SUPT20HL2: variants seen among roughly 807,000 people sequenced by gnomAD.
SUPT20HL2 encodes the protein SUPT20H like 2, also known as transcription factor SPT20 homolog-like 2.
For missense variants in SUPT20HL2, 288 were observed against 127.4 expected (o/e 2.26, Z -6.07); for synonymous variants, 125 against 51.6 (o/e 2.42, Z -6.10).
In SUPT20HL2 at chrX:24,310,920, G is replaced by A. The variant is rs1259134473; in HGVS notation, c.2396C>T (p.Ala799Val). 1 of 385,686 alleles carries A rather than the reference G, an allele frequency of 2.6e-6. No homozygotes were observed. Among genetic ancestry groups the A allele is most frequent in the African/African-American group, 2.5e-5 (1 of 39,350 alleles). The allele number at this position is 385,686 out of a possible 1,213,427, so 31.8% of individuals were successfully genotyped here. A position where few individuals can be genotyped will look rare whatever the true frequency, so the allele number is the denominator to read the frequency against. Residue 799 changes from alanine to valine, a missense_variant, in exon 1 of 1, where the codon GCA becomes GTA. Transcript: ENST00000486479. Reference protein sequence around the residue: ...QIVQPHPGVQAGSQLVGQRKG... With the variant: ...QIVQPHPGVQVGSQLVGQRKG... ...CCTCTGACCTACCAACTGGCTCCCT[G>A]CTTGCACACCTGGATGTGGCTGCAC...
Position 24,311,267 on chromosome X carries a change from G to A in SUPT20HL2, c.2049C>T (p.His683=), listed in dbSNP as rs185361509. Residue 683 remains histidine (H), a synonymous_variant, in exon 1 of 1, where the codon CAC becomes CAT. Coordinates refer to ENST00000486479, the MANE Select transcript of SUPT20HL2 (RefSeq NM_001136233.3). ...LQQLQQPTAA[H]PPQPGPQGST... ...AACCCTGTGGCCCTGGCTGAGGAGG[G>A]TGAGCAGCTGTGGGCTGCTGGAGCT... 22 of 386,132 alleles carry A rather than the reference G, an allele frequency of 5.7e-5. No homozygotes were observed. The East Asian group carries it at 6.7e-4, about 12-fold the overall frequency. 31.8% of individuals were successfully genotyped at this position (386,132 alleles called of 1,213,427 possible). A position where few individuals can be genotyped will look rare whatever the true frequency, so the allele number is the denominator to read the frequency against.
In SUPT20HL2 at chrX:24,310,085, T is replaced by C. The variant is rs1157947938; in HGVS notation, c.*777A>G. On this transcript the variant is annotated 3_prime_UTR_variant, in exon 1 of 1. Transcript: ENST00000486479. ...TCAGAGTTTATAGGTCACTTTCATA[T>C]ATATTATGTACAGTGAGACCATTTT... 8.9e-6 allele frequency among the ~76,000 whole-genome samples: 1 copy of C among 112,011 alleles called. No homozygotes were observed. Among genetic ancestry groups the C allele is most frequent in the Non-Finnish European group, 1.9e-5 (1 of 53,254 alleles).
chrX:24,309,313 C>G lies in SUPT20HL2; in HGVS notation c.*1549G>C, dbSNP rs183274135. 9.0e-6 allele frequency among the ~76,000 whole-genome samples: 1 copy of G among 111,660 alleles called. No individual in the cohort carries two copies. Among genetic ancestry groups the G allele is most frequent in the Non-Finnish European group, 1.9e-5 (1 of 52,742 alleles). On this transcript the variant is annotated 3_prime_UTR_variant, in exon 1 of 1. Coordinates refer to ENST00000486479, the MANE Select transcript of SUPT20HL2 (RefSeq NM_001136233.3). ...AAGGGAAAAAATGAGGGAGCAGAAACAGCTGAACAACTGATGATGATGCAT... is the reference window on the plus strand; with the variant it reads ...AAGGGAAAAAATGAGGGAGCAGAAAGAGCTGAACAACTGATGATGATGCAT...
rs1939093737 is a variant in SUPT20HL2 at position 24,309,618 on chromosome X, G to A, written c.*1244C>T. Among the ~76,000 whole-genome samples, 2 of 91,044 alleles carry A rather than the reference G, an allele frequency of 2.2e-5. No individual in the cohort carries two copies. The highest frequency in any genetic ancestry group is 4.1e-5 in the African/African-American group (1 of 24,529). The allele number at this position is 91,044 out of a possible 115,157, so 79.1% of individuals were successfully genotyped here. ...GGTGCAGCGCACCAGCATGGCACAT[G>A]TATACATATGTAACTAACCTGCACA... On this transcript the variant is annotated 3_prime_UTR_variant, in exon 1 of 1. Coordinates refer to ENST00000486479, the MANE Select transcript of SUPT20HL2 (RefSeq NM_001136233.3).
In SUPT20HL2 at chrX:24,311,738, GGCC is replaced by G. The variant is rs761763266; in HGVS notation, c.1575_1577del (p.Ala526del). 8.4e-6 allele frequency: 3 copies of G among 355,407 alleles called. No individual in the cohort carries two copies. Among genetic ancestry groups the G allele is most frequent in the Non-Finnish European group, 1.1e-5 (2 of 177,171 alleles). The allele number at this position is 355,407 out of a possible 1,213,427, so 29.3% of individuals were successfully genotyped here. A position where few individuals can be genotyped will look rare whatever the true frequency, so the allele number is the denominator to read the frequency against. ...GAGAATGGCTTGGTGCCGCCCCACC[GGCC>G]GCCGCCGCCACAGCAGCAGCAGCTA... On this transcript the variant is annotated inframe_deletion, in exon 1 of 1. Coordinates refer to ENST00000486479, the MANE Select transcript of SUPT20HL2 (RefSeq NM_001136233.3).
In SUPT20HL2 at chrX:24,312,314, T is replaced by C. The variant is rs754137249; in HGVS notation, c.1002A>G (p.Glu334=). Residue 334 remains glutamate, a synonymous_variant, in exon 1 of 1, where the codon GAA becomes GAG. Transcript: ENST00000486479. The part of the protein sequence containing the change: ...QLPVWPAQEV[E]DPFRHAWEAG... ...CTTCCCATGCATGTCTGAAAGGGTC[T>C]TCTACCTCCTGGGCTGGCCAGACTG... The C allele has an allele frequency of 1.6e-5, 6 of 385,509 alleles. No homozygotes were observed. Among genetic ancestry groups the C allele is most frequent in the Non-Finnish European group, 3.1e-5 (6 of 192,332 alleles). 31.8% of individuals were successfully genotyped at this position (385,509 alleles called of 1,213,427 possible). A position where few individuals can be genotyped will look rare whatever the true frequency, so the allele number is the denominator to read the frequency against.
At position 24,311,662 on chromosome X, in the gene SUPT20HL2, C is replaced by A; in HGVS notation, c.1654G>T (p.Gly552Trp). 1 of 384,112 alleles carries A rather than the reference C, an allele frequency of 2.6e-6. No individual in the cohort carries two copies. The highest frequency in any genetic ancestry group is 5.2e-6 in the Non-Finnish European group (1 of 191,055). The allele number at this position is 384,112 out of a possible 1,213,427, so 31.7% of individuals were successfully genotyped here. A position where few individuals can be genotyped will look rare whatever the true frequency, so the allele number is the denominator to read the frequency against. Residue 552 changes from glycine to tryptophan, a missense_variant, in exon 1 of 1, where the codon GGG (glycine) becomes TGG (tryptophan). By Grantham distance (184) the Gly-to-Trp change is radical. Transcript: ENST00000486479. ...ATTTTTACGAATCTGGTGGGGCGCC[C>A]GGCAGCTGGACGGCGCCTGCTAGCT... ...IKASRRRPAA[G>W]RPTRFVKIAP...
At position 24,309,746 on chromosome X, in the gene SUPT20HL2, G is replaced by GAAAAAAAAAAAAA; in HGVS notation, c.*1103_*1115dup. Reference sequence around the variant, plus strand: ...AAAATAATAAAAATAAAAAAAAAAAGAAAAAAAAAAAAAAAAAAAAAAACA... The same window carrying GAAAAAAAAAAAAA: ...AAAATAATAAAAATAAAAAAAAAAAGAAAAAAAAAAAAAAAAAAAAAAAAAAAAAAAAAAAACA... On this transcript the variant is annotated 3_prime_UTR_variant, in exon 1 of 1. Transcript: ENST00000486479. Among the ~76,000 whole-genome samples, 35 of 21,793 alleles carry GAAAAAAAAAAAAA rather than the reference G, an allele frequency of 1.6e-3. 2 individuals carry two copies. The highest frequency in any genetic ancestry group is 2.6e-3 in the Admixed American group (3 of 1,140). The allele number at this position is 21,793 out of a possible 115,157, so 18.9% of individuals were successfully genotyped here.
In SUPT20HL2 at chrX:24,309,492, A is replaced by G. The variant is rs1468191931; in HGVS notation, c.*1370T>C. Among the ~76,000 whole-genome samples, 1 of 84,540 alleles carries G rather than the reference A, an allele frequency of 1.2e-5. No individual in the cohort carries two copies. Among genetic ancestry groups the G allele is most frequent in the African/African-American group, 4.4e-5 (1 of 22,936 alleles). The allele number at this position is 84,540 out of a possible 115,157, so 73.4% of individuals were successfully genotyped here. On this transcript the variant is annotated 3_prime_UTR_variant, in exon 1 of 1. Coordinates refer to ENST00000486479, the MANE Select transcript of SUPT20HL2 (RefSeq NM_001136233.3). ...ACAAAAAATGTAAATGATTTTATAAAGAGAGCACACAAAACATCCAAAAAG... is the reference window on the plus strand; with the variant it reads ...ACAAAAAATGTAAATGATTTTATAAGGAGAGCACACAAAACATCCAAAAAG...
rs946798880 is a variant in SUPT20HL2 at position 24,310,612 on chromosome X, T to C, written c.*250A>G. ...TGGTTAGGATTTGGACACTTTAAAATACTATATTAAAAACAATTATATCAA... is the reference window on the plus strand; with the variant it reads ...TGGTTAGGATTTGGACACTTTAAAACACTATATTAAAAACAATTATATCAA... On this transcript the variant is annotated 3_prime_UTR_variant, in exon 1 of 1. Coordinates refer to ENST00000486479, the MANE Select transcript of SUPT20HL2 (RefSeq NM_001136233.3). 8.9e-6 allele frequency among the ~76,000 whole-genome samples: 1 copy of C among 112,241 alleles called. No individual in the cohort carries two copies. The highest frequency in any genetic ancestry group is 3.2e-5 in the African/African-American group (1 of 30,869).
At position 24,309,746 on chromosome X, in the gene SUPT20HL2, G is replaced by GAAAAAAAAAAAAAAAAAAAAAA; in HGVS notation, c.*1094_*1115dup. Among the ~76,000 whole-genome samples the GAAAAAAAAAAAAAAAAAAAAAA allele has an allele frequency of 4.1e-4, 9 of 21,792 alleles. No homozygotes were observed. Among genetic ancestry groups the GAAAAAAAAAAAAAAAAAAAAAA allele is most frequent in the East Asian group, 2.1e-3 (1 of 486 alleles). 18.9% of individuals were successfully genotyped at this position (21,792 alleles called of 115,157 possible). On this transcript the variant is annotated 3_prime_UTR_variant, in exon 1 of 1. Coordinates refer to ENST00000486479, the MANE Select transcript of SUPT20HL2 (RefSeq NM_001136233.3). ...AAAATAATAAAAATAAAAAAAAAAA[G>GAAAAAAAAAAAAAAAAAAAAAA]AAAAAAAAAAAAAAAAAAAAAAACA...
rs1939098610 is a variant in SUPT20HL2, at chrX:24,309,728, T to TAAAAAAAAAAAAAAAAA, written c.*1133_*1134insTTTTTTTTTTTTTTTTT. On this transcript the variant is annotated 3_prime_UTR_variant, in exon 1 of 1. Coordinates refer to ENST00000486479, the MANE Select transcript of SUPT20HL2 (RefSeq NM_001136233.3). ...ATTAAAAAAAAAAAGAAAAAAATAA[T>TAAAAAAAAAAAAAAAAA]AAAAATAAAAAAAAAAAGAAAAAAA... Among the ~76,000 whole-genome samples the TAAAAAAAAAAAAAAAAA allele has an allele frequency of 3.9e-4, 5 of 12,771 alleles. No individual in the cohort carries two copies. The highest frequency in any genetic ancestry group is 1.5e-3 in the Admixed American group (1 of 689). 11.1% of individuals were successfully genotyped at this position (12,771 alleles called of 115,157 possible).
chrX:24,312,253 T>C lies in SUPT20HL2; in HGVS notation c.1063A>G (p.Met355Val), dbSNP rs769345108. The C allele has an allele frequency of 7.8e-6, 3 of 384,613 alleles. No homozygotes were observed. The highest frequency in any genetic ancestry group is 1.6e-5 in the Non-Finnish European group (3 of 192,143). 31.7% of individuals were successfully genotyped at this position (384,613 alleles called of 1,213,427 possible). ...AGAAGCGGATCATTAAACGACTGCATGATGTTTGGCTTGGTGTCCCAGGCC... is the reference window on the plus strand; with the variant it reads ...AGAAGCGGATCATTAAACGACTGCACGATGTTTGGCTTGGTGTCCCAGGCC... ...CQAWDTKPNI[M>V]QSFNDPLLCG... The change falls in exon 1 of 1, where the codon ATG (methionine) becomes GTG (valine). Residue 355 changes from methionine to valine, a missense_variant. Transcript: ENST00000486479.
chrX:24,313,007 A>G lies in SUPT20HL2; in HGVS notation c.309T>C (p.Ile103=), dbSNP rs781234080. The G allele has an allele frequency of 8.4e-6, 3 of 358,711 alleles. No homozygotes were observed. The highest frequency in any genetic ancestry group is 1.7e-5 in the Non-Finnish European group (3 of 179,561). 29.6% of individuals were successfully genotyped at this position (358,711 alleles called of 1,213,427 possible). The change falls in exon 1 of 1, where the codon ATT becomes ATC. Residue 103 remains isoleucine (I), a synonymous_variant. Transcript: ENST00000486479. ...ATGCCCTTTCTTCATAAGGCAGCCG[A>G]ATGGTCTCTGCAAAGGACCCATCTT... ...QREDGSFAET[I]RLPYEERALL...
chrX:24,309,725 T>TAAAAAAAAAAAAAAAAAAAAAAAA lies in SUPT20HL2; in HGVS notation c.*1136_*1137insTTTTTTTTTTTTTTTTTTTTTTTT, dbSNP rs1569195686. ...AAAATTAAAAAAAAAAAGAAAAAAATAATAAAAATAAAAAAAAAAAGAAAA... is the reference window on the plus strand; with the variant it reads ...AAAATTAAAAAAAAAAAGAAAAAAATAAAAAAAAAAAAAAAAAAAAAAAAAATAAAAATAAAAAAAAAAAGAAAA... On this transcript the variant is annotated 3_prime_UTR_variant, in exon 1 of 1. Transcript: ENST00000486479. 1.2e-4 allele frequency among the ~76,000 whole-genome samples: 2 copies of TAAAAAAAAAAAAAAAAAAAAAAAA among 16,884 alleles called. No homozygotes were observed. The highest frequency in any genetic ancestry group is 6.1e-4 in the African/African-American group (2 of 3,278). 14.7% of individuals were successfully genotyped at this position (16,884 alleles called of 115,157 possible).
chrX:24,309,728 T>TAAAAAAAAAAAAAAAAAAAAAAAAAAAA lies in SUPT20HL2; in HGVS notation c.*1133_*1134insTTTTTTTTTTTTTTTTTTTTTTTTTTTT, dbSNP rs1939098610. 4.7e-4 allele frequency among the ~76,000 whole-genome samples: 6 copies of TAAAAAAAAAAAAAAAAAAAAAAAAAAAA among 12,756 alleles called. No homozygotes were observed. Among genetic ancestry groups the TAAAAAAAAAAAAAAAAAAAAAAAAAAAA allele is most frequent in the African/African-American group, 1.1e-3 (2 of 1,793 alleles). 11.1% of individuals were successfully genotyped at this position (12,756 alleles called of 115,157 possible). On this transcript the variant is annotated 3_prime_UTR_variant, in exon 1 of 1. Transcript: ENST00000486479. Reference sequence around the variant, plus strand: ...ATTAAAAAAAAAAAGAAAAAAATAATAAAAATAAAAAAAAAAAGAAAAAAA... The same window carrying TAAAAAAAAAAAAAAAAAAAAAAAAAAAA: ...ATTAAAAAAAAAAAGAAAAAAATAATAAAAAAAAAAAAAAAAAAAAAAAAAAAAAAAAATAAAAAAAAAAAGAAAAAAA...
In SUPT20HL2 at chrX:24,308,790, C is replaced by T. The variant is rs183551487; in HGVS notation, c.*2072G>A. On this transcript the variant is annotated 3_prime_UTR_variant, in exon 1 of 1. Transcript: ENST00000486479. ...AAGTTGACAGCAGCTCTATGCACAG[C>T]GCCCAAAAGGTAGAAACAACCCAAG... Among the ~76,000 whole-genome samples the T allele has an allele frequency of 3.6e-3, 401 of 111,133 alleles. No individual in the cohort carries two copies. Among genetic ancestry groups the T allele is most frequent in the East Asian group, 0.012 (42 of 3,581 alleles).
Position 24,309,746 on chromosome X carries a change from G to GAAAAA in SUPT20HL2, c.*1111_*1115dup. ...AAAATAATAAAAATAAAAAAAAAAA[G>GAAAAA]AAAAAAAAAAAAAAAAAAAAAAACA... is the stretch of plus-strand genomic sequence containing the variant. On this transcript the variant is annotated 3_prime_UTR_variant, in exon 1 of 1. Coordinates refer to ENST00000486479, the MANE Select transcript of SUPT20HL2 (RefSeq NM_001136233.3). 4.1e-4 allele frequency among the ~76,000 whole-genome samples: 9 copies of GAAAAA among 21,791 alleles called. No homozygotes were observed. Among genetic ancestry groups the GAAAAA allele is most frequent in the African/African-American group, 9.6e-4 (4 of 4,160 alleles). 18.9% of individuals were successfully genotyped at this position (21,791 alleles called of 115,157 possible). A position where few individuals can be genotyped will look rare whatever the true frequency, so the allele number is the denominator to read the frequency against.
Position 24,313,406 on chromosome X carries a change from G to C in SUPT20HL2, c.-91C>G. ...TCACGGCTGTCATATTAATCTACAG[G>C]CCCGCAAGACGCCGCAAGTCCACAC... On this transcript the variant is annotated 5_prime_UTR_variant, in exon 1 of 1. Transcript: ENST00000486479. 3.0e-6 allele frequency: 1 copy of C among 336,904 alleles called. No individual in the cohort carries two copies. Among genetic ancestry groups the C allele is most frequent in the Non-Finnish European group, 5.9e-6 (1 of 170,570 alleles). The allele number at this position is 336,904 out of a possible 1,213,427, so 27.8% of individuals were successfully genotyped here.
Sources: gnomAD v4.1 joint callset for allele counts (sites outside exome capture counted in the v4.1 genomes callset) on GRCh38, gnomAD v4.1.1 for gene constraint, MANE v1.5 for transcripts, NCBI Gene and HGNC (gene_info 2026-07-23, HGNC 2026-07-21) for gene names.